The following GUCY1B1 variants were observed in gnomAD, a reference collection of about 807,000 sequenced individuals.
The protein encoded by GUCY1B1 is guanylate cyclase soluble subunit beta-1.
A neutral mutation model predicts 71.0 loss-of-function variants in GUCY1B1; 43 were observed. That is an observed-to-expected ratio of 0.61 (90% CI 0.47 to 0.78). The LOEUF (loss-of-function observed/expected upper bound fraction) is 0.78. GUCY1B1 is among the 30% of genes least tolerant of loss of function. The pLI is 0.00. For synonymous variants in GUCY1B1, 266 were observed against 259.7 expected (o/e 1.02, Z -0.23); for missense variants, 535 against 754.1 (o/e 0.71, Z 3.40).
rs2111194176 is a variant in GUCY1B1 at position 155,807,184 on chromosome 4, G to T, written c.*775G>T. ...AGAAAGCTGCATTGTTTCACATTGAGCTGTTACATTAGTTCAGGCTAAATG... is the reference window on the plus strand; with the variant it reads ...AGAAAGCTGCATTGTTTCACATTGATCTGTTACATTAGTTCAGGCTAAATG... On this transcript the variant is annotated 3_prime_UTR_variant, in exon 14 of 14. Transcript: ENST00000264424. 6.6e-6 allele frequency: 1 copy of T among 152,250 alleles called. No homozygotes were observed. The highest frequency in any genetic ancestry group is 2.1e-4 in the South Asian group (1 of 4,822). 9.4% of individuals were successfully genotyped at this position (152,250 alleles called of 1,614,324 possible).
At position 155,796,539 on chromosome 4, in the gene GUCY1B1, C is replaced by T. The variant is rs763136532; in HGVS notation, c.977+29C>T. ...ATCATTTTTAGATTAATTATAGTGG[C>T]TATCAGTACCTATCTTTAGCTAACA... is the stretch of plus-strand genomic sequence containing the variant. On this transcript the variant is annotated intron_variant, in intron 8 of 13. Coordinates refer to ENST00000264424, the MANE Select transcript of GUCY1B1 (RefSeq NM_000857.5). 4 of 1,445,580 alleles carry T rather than the reference C, an allele frequency of 2.8e-6. No homozygotes were observed. The African/African-American group carries it at 5.6e-5, about 20-fold the overall frequency. The allele number at this position is 1,445,580 out of a possible 1,614,324, so 89.5% of individuals were successfully genotyped here.
intron 4 of GUCY1B1, among the ~76,000 whole-genome samples, chr4:155,787,303 G>A (rs1738864831): frequency 6.6e-6 from 1 of 152,140 alleles, no homozygotes; most frequent in African/African-American, 2.4e-5. Flanking sequence ...GGCAATAGCA[G>A]CCTCTAGAGG....
At chr4:155,789,667 C>A in intron 4 of GUCY1B1, 47 bp from the exon 5 acceptor site, 2 of 1,104,422 alleles carry the variant, frequency 1.8e-6, no homozygotes, top group South Asian at 1.5e-5. Context: ...AGTCTGCTGT[C>A]ATTGCGAAAG....
intron 3 of GUCY1B1, among the ~76,000 whole-genome samples, chr4:155,776,916 G>A (rs1293371364): frequency 6.6e-6 from 1 of 152,144 alleles, no homozygotes; most frequent in Non-Finnish European, 1.5e-5. Context: ...CCAAAATTAA[G>A]TACAGGGTGA....
chr4:155,803,458 G>A (rs1456789158), intron 10 of GUCY1B1, among the ~76,000 whole-genome samples, 166 bp from the exon 11 acceptor site: 2 of 152,124 alleles, frequency 1.3e-5, no homozygotes, highest in East Asian at 3.8e-4. Context: ...GTAATTGCAA[G>A]GTTTCATTTT....
intron 2 of GUCY1B1, among the ~76,000 whole-genome samples, chr4:155,771,740 A>G (rs1052917045): frequency 1.2e-4 from 19 of 152,328 alleles, no homozygotes; most frequent in Admixed American, 1.2e-3. Context: ...GTAAGAAGCT[A>G]TAAAGATATT....
At chr4:155,770,571 C>T (rs1348541963) in intron 2 of GUCY1B1, among the ~76,000 whole-genome samples, 2 of 152,152 alleles carry the variant, frequency 1.3e-5, no homozygotes, top group African/African-American at 2.4e-5. Flanking sequence ...GTATATTCTC[C>T]ATCTCAGTTT....
chr4:155,776,695 G>T (rs1473847491), intron 3 of GUCY1B1, among the ~76,000 whole-genome samples: 1 of 151,928 alleles, frequency 6.6e-6, no homozygotes, highest in Non-Finnish European at 1.5e-5. Flanking sequence ...ATGTGATACA[G>T]AAAATTTAAG....
chr4:155,800,213 T>A, intron 9 of GUCY1B1, 139 bp downstream of exon 9: 1 of 502,922 alleles, frequency 2.0e-6, no homozygotes, highest in Non-Finnish European at 3.4e-6. Context: ...TCACATTGCT[T>A]TTAAAAAGAA....
At chr4:155,779,248 C>CA (rs1284590130) in intron 4 of GUCY1B1, among the ~76,000 whole-genome samples, 2 of 152,170 alleles carry the variant, frequency 1.3e-5, no homozygotes, top group Non-Finnish European at 2.9e-5. Context: ...GTGATCACAT[C>CA]ACTGCACTCC....
In GUCY1B1 at chr4:155,790,425, G is replaced by A. The variant is rs571805742; in HGVS notation, c.495+514G>A. 1.5e-4 allele frequency among the ~76,000 whole-genome samples: 23 copies of A among 152,254 alleles called. No homozygotes were observed. In the South Asian group the frequency reaches 4.6e-3, roughly 30 times the overall value. Reference sequence around the variant, plus strand: ...TTACTTGGTGAAAGAAGCCAGGTCTGGTACTTTAAAAATTGTGCTGTTATT... The same window carrying A: ...TTACTTGGTGAAAGAAGCCAGGTCTAGTACTTTAAAAATTGTGCTGTTATT... On this transcript the variant is annotated intron_variant, in intron 5 of 13. Transcript: ENST00000264424.
At chr4:155,797,095 G>A (rs535041018) in intron 8 of GUCY1B1, among the ~76,000 whole-genome samples, 2 of 152,200 alleles carry the variant, frequency 1.3e-5, no homozygotes, top group Admixed American at 6.5e-5. Flanking sequence ...TTCCAATTTA[G>A]GAAAGCATTT....
intron 5 of GUCY1B1, among the ~76,000 whole-genome samples, chr4:155,793,328 C>T (rs539346182): frequency 5.3e-5 from 8 of 152,284 alleles, no homozygotes; most frequent in African/African-American, 1.9e-4. Flanking sequence ...CTGTCCGCCC[C>T]ACCCTCCCAA....
chr4:155,768,211 T>C (rs1289484033), intron 2 of GUCY1B1, among the ~76,000 whole-genome samples: 1 of 152,136 alleles, frequency 6.6e-6, no homozygotes, highest in East Asian at 1.9e-4. Context: ...AGCAGTCTTG[T>C]CATATTCTTA....
At chr4:155,777,492 G>A in intron 3 of GUCY1B1, 32 bp from the exon 4 acceptor site, 1 of 1,071,988 alleles carries the variant, frequency 9.3e-7, no homozygotes, top group South Asian at 1.3e-5. Flanking sequence ...CCTATTATAT[G>A]CTTTTTTTCC....
intron 8 of GUCY1B1, among the ~76,000 whole-genome samples, chr4:155,797,203 T>A (rs1739614849): frequency 6.6e-6 from 1 of 152,218 alleles, no homozygotes; most frequent in African/African-American, 2.4e-5. Flanking sequence ...TGTGAGATGA[T>A]ATTCTGTGTA....
intron 2 of GUCY1B1, among the ~76,000 whole-genome samples, chr4:155,765,045 AGAG>A (rs1448092686): frequency 1.3e-5 from 2 of 152,058 alleles, no homozygotes; most frequent in African/African-American, 4.8e-5. Flanking sequence ...AAAAAAAATC[AGAG>A]GAGTACATCA....
intron 2 of GUCY1B1, among the ~76,000 whole-genome samples, chr4:155,763,441 A>G (rs1366893150): frequency 6.6e-6 from 1 of 152,202 alleles, no homozygotes; most frequent in Admixed American, 6.5e-5. Context: ...AAGAAAGTAC[A>G]CTGTCCTGAC....
At chr4:155,792,888 C>T (rs1453120499) in intron 5 of GUCY1B1, among the ~76,000 whole-genome samples, 2 of 152,048 alleles carry the variant, frequency 1.3e-5, no homozygotes, top group African/African-American at 2.4e-5. Flanking sequence ...TAGATATTAG[C>T]TCACAATTAC....
Sources: allele counts gnomAD v4.1 joint callset (sites outside exome capture counted in the v4.1 genomes callset), GRCh38; gene constraint gnomAD v4.1.1; transcripts MANE v1.5; gene names NCBI Gene and HGNC (gene_info 2026-07-23, HGNC 2026-07-21).